XDH: variants seen among roughly 807,000 people sequenced by gnomAD.
XDH encodes the protein xanthine dehydrogenase, also known as xanthine dehydrogenase/oxidase.
In XDH, 138 loss-of-function variants were observed where a neutral mutation model predicts 156.1. The observed-to-expected ratio is 0.88, with a 90% confidence interval of 0.77 to 1.02. XDH has a LOEUF of 1.02. Among genes scored for constraint, XDH ranks in the 50% least tolerant of loss-of-function variants. XDH has a pLI of 0.00. For synonymous variants in XDH, 669 were observed against 625.7 expected (o/e 1.07, Z -1.03); for missense variants, 1,849 against 1,684.9 (o/e 1.10, Z -1.71).
intron 19 of XDH, 141 bp from the exon 20 acceptor site, chr2:31,368,198 T>G: frequency 1.2e-6 from 1 of 817,390 alleles, no homozygotes; most frequent in Non-Finnish European, 2.1e-6. Context: ...CATACAGACT[T>G]GAAGTAAGCT....
intron 6 of XDH, among the ~76,000 whole-genome samples, chr2:31,395,970 G>A (rs1014041420): frequency 6.6e-5 from 10 of 152,134 alleles, no homozygotes; most frequent in African/African-American, 1.9e-4. Context: ...TTCTCGCCGT[G>A]AGCAGTGTGC....
chr2:31,347,024 C>T (rs895338810), intron 29 of XDH, among the ~76,000 whole-genome samples, 181 bp from the exon 30 acceptor site: 4 of 152,310 alleles, frequency 2.6e-5, no homozygotes, highest in Non-Finnish European at 1.5e-5. Context: ...CAGGACCTGG[C>T]CAATAGGGCC....
At chr2:31,376,064 C>T (rs45473506) in intron 14 of XDH, among the ~76,000 whole-genome samples, 5,677 of 152,030 alleles carry the variant, frequency 0.037, 347 homozygotes, top group African/African-American at 0.13. Flanking sequence ...GTGAAGTGTT[C>T]GGTACAATTT....
At position 31,375,407 on chromosome 2, in the gene XDH, C is replaced by G. The variant is rs1483259175; in HGVS notation, c.1575G>C (p.Gln525His). Residue 525 changes from glutamine to histidine, a missense_variant, in exon 15 of 36, where the codon CAG (glutamine) becomes CAC (histidine). Physicochemically the swap from Gln to His is conservative, Grantham distance 24. Coordinates refer to ENST00000379416, the MANE Select transcript of XDH (RefSeq NM_000379.4). ...FFFKFYLTVL[Q>H]KLGQENLEDK... ...CTTCCAGGTTCTCTTGGCCCAGCTTCTGAAGGACTGTCAGGTAGAACTTGA... is the reference window on the plus strand; with the variant it reads ...CTTCCAGGTTCTCTTGGCCCAGCTTGTGAAGGACTGTCAGGTAGAACTTGA... 1.9e-6 allele frequency: 3 copies of G among 1,614,226 alleles called. No individual in the cohort carries two copies. The Middle Eastern group carries it at 4.9e-4, about 266-fold the overall frequency.
chr2:31,395,011 A>G (rs1206124471), intron 6 of XDH, among the ~76,000 whole-genome samples: 2 of 152,150 alleles, frequency 1.3e-5, no homozygotes, highest in Non-Finnish European at 2.9e-5. Context: ...GTTAATTCCA[A>G]TATTCCTGTC....
At position 31,367,961 on chromosome 2, in the gene XDH, C is replaced by T. The variant is rs1228747279; in HGVS notation, c.2197G>A (p.Gly733Arg). The change falls in exon 20 of 36, where the codon GGG (glycine) becomes AGG (arginine). Residue 733 changes from glycine (G) to arginine (R), a missense_variant and splice_region_variant. Coordinates refer to ENST00000379416, the MANE Select transcript of XDH (RefSeq NM_000379.4). The part of the protein sequence containing the change: ...GFSEADNVVS[G>R]EIYIGGQEHF... ...CCACTGCGGCATGGAACAGCTCTAC[C>T]TGACACAACATTATCTGCTTCGGAA... 6.2e-7 allele frequency: 1 copy of T among 1,614,020 alleles called. No individual in the cohort carries two copies. Among genetic ancestry groups the T allele is most frequent in the Non-Finnish European group, 8.5e-7 (1 of 1,179,988 alleles).
chr2:31,393,800 C>CTTTTTTTT (rs34575198), intron 6 of XDH, among the ~76,000 whole-genome samples: 3 of 140,452 alleles, frequency 2.1e-5, no homozygotes, highest in African/African-American at 2.6e-5. Context: ...TTCCTTTTTT[C>CTTTTTTTT]TTTTTTTTTT....
chr2:31,389,100 G>T (rs891135076), intron 6 of XDH, among the ~76,000 whole-genome samples: 2 of 152,220 alleles, frequency 1.3e-5, no homozygotes, highest in African/African-American at 4.8e-5. Context: ...AAAAGTAGGG[G>T]AAACTCATAG....
intron 31 of XDH, 94 bp downstream of exon 31, chr2:31,344,590 T>C: frequency 6.9e-7 from 1 of 1,448,486 alleles, no homozygotes; most frequent in South Asian, 1.1e-5. Context: ...TGCTCTCTCC[T>C]GACCACAGCC....
intron 31 of XDH, among the ~76,000 whole-genome samples, chr2:31,344,064 C>A (rs1374782568): frequency 3.9e-5 from 6 of 152,090 alleles, no homozygotes; most frequent in Non-Finnish European, 8.8e-5. Flanking sequence ...TAAATATGAT[C>A]ATATCTTTTT....
Position 31,344,570 on chromosome 2 carries a change from T to C in XDH, c.3404+114A>G, listed in dbSNP as rs1262955534. 1.1e-5 allele frequency: 13 copies of C among 1,187,250 alleles called. No homozygotes were observed. In the East Asian group the frequency reaches 1.9e-4, roughly 17 times the overall value. 73.5% of individuals were successfully genotyped at this position (1,187,250 alleles called of 1,614,324 possible). ...AATTAGCGGAAGTCTGTTGAAGAGA[T>C]AAGTGGAGCTGCTCTCTCCTGACCA... On this transcript the variant is annotated intron_variant, in intron 31 of 35. Coordinates refer to ENST00000379416, the MANE Select transcript of XDH (RefSeq NM_000379.4).
intron 5 of XDH, 67 bp from the exon 6 acceptor site, chr2:31,397,796 T>C: frequency 6.3e-7 from 1 of 1,592,666 alleles, no homozygotes; most frequent in Non-Finnish European, 8.6e-7. Flanking sequence ...GTTTGTGACT[T>C]TGCTTGCAAC....
intron 13 of XDH, among the ~76,000 whole-genome samples, chr2:31,377,977 T>C (rs1212176872): frequency 5.4e-5 from 8 of 148,442 alleles, no homozygotes; most frequent in Non-Finnish European, 1.2e-4. Context: ...GCCGTGATCA[T>C]GCCACCACAC....
At position 31,349,740 on chromosome 2, in the gene XDH, C is replaced by A; in HGVS notation, c.2915G>T (p.Cys972Phe). The change falls in exon 26 of 36, where the codon TGC (cysteine) becomes TTC (phenylalanine). Residue 972 changes from cysteine to phenylalanine, a missense_variant. Cys to Phe is a radical substitution (Grantham distance 205). Transcript: ENST00000379416. ...GFTLPRCWEECLASSQYHARK... is the reference protein window; with the variant it reads ...GFTLPRCWEEFLASSQYHARK... ...AGCATGATACTGAGAGCTTGCTAGG[C>A]ATTCTTCCCAGCATCTGGGCAAGGT... The A allele has an allele frequency of 1.1e-5, 18 of 1,614,202 alleles. No individual in the cohort carries two copies. The highest frequency in any genetic ancestry group is 1.5e-5 in the Non-Finnish European group (18 of 1,180,040).
chr2:31,357,033 C>G (rs951420299), intron 24 of XDH, among the ~76,000 whole-genome samples: 3 of 151,726 alleles, frequency 2.0e-5, no homozygotes, highest in African/African-American at 7.3e-5. Context: ...ACAAGCAGAC[C>G]AAAAATACAA....
chr2:31,378,164 AAGGAAGGAAGG>A (rs1429783384), intron 13 of XDH, among the ~76,000 whole-genome samples: 1 of 103,328 alleles, frequency 9.7e-6, no homozygotes, highest in South Asian at 3.8e-4. Flanking sequence ...GGAAGGAAGG[AAGGAAGGAAGG>A]AAGCAAGCAA....
chr2:31,374,190 G>A (rs1325887883), intron 15 of XDH, among the ~76,000 whole-genome samples: 1 of 152,012 alleles, frequency 6.6e-6, no homozygotes, highest in Non-Finnish European at 1.5e-5. Context: ...AGACTGAATG[G>A]TCTGTACTTT....
intron 1 of XDH, among the ~76,000 whole-genome samples, chr2:31,407,969 T>G (rs1687236680): frequency 6.6e-6 from 1 of 152,188 alleles, no homozygotes; most frequent in South Asian, 2.1e-4. Context: ...ATTAAGAGCC[T>G]CTTAGCTTAC....
At chr2:31,352,887 T>TTC (rs1265176289) in intron 24 of XDH, among the ~76,000 whole-genome samples, 1 of 149,562 alleles carries the variant, frequency 6.7e-6, no homozygotes, top group African/African-American at 2.5e-5. Flanking sequence ...ACTTTAACCT[T>TTC]TTTTTTTTTT....
Sources: allele counts gnomAD v4.1 joint callset (sites outside exome capture counted in the v4.1 genomes callset), GRCh38; gene constraint gnomAD v4.1.1; transcripts MANE v1.5; gene names NCBI Gene and HGNC (gene_info 2026-07-23, HGNC 2026-07-21).